Variants in NXPH4 observed in about 807,000 individuals in gnomAD.
The protein encoded by NXPH4 is neurexophilin 4, also known as neurexophilin-4.
Under a neutral mutation model 21.3 loss-of-function variants are expected in NXPH4, and 8 were observed. That is an observed-to-expected ratio of 0.38 (90% CI 0.22 to 0.68). The LOEUF is 0.68. Ranked by LOEUF, NXPH4 falls within the 30% of genes least tolerant of loss-of-function variation. The probability of loss-of-function intolerance (pLI) is 0.53; values close to 1 mark genes in which losing one functional copy is unlikely to be tolerated. For missense variants in NXPH4, 418 were observed against 416.8 expected (o/e 1.00, Z -0.03); for synonymous variants, 219 against 192.6 (o/e 1.14, Z -1.13).
chr12:57,219,250 T>C (rs1269904989), intron 1 of NXPH4, among the ~76,000 whole-genome samples: 2 of 151,976 alleles, frequency 1.3e-5, no homozygotes, highest in Non-Finnish European at 2.9e-5. Flanking sequence ...TCTCCCTTCC[T>C]CCTCACTCCA....
intron 1 of NXPH4, among the ~76,000 whole-genome samples, chr12:57,218,950 GTC>G (rs1268556251): frequency 1.4e-5 from 2 of 147,126 alleles, no homozygotes; most frequent in Non-Finnish European, 3.0e-5. Context: ...GTCTGTATGA[GTC>G]TCTGGGGTTT....
In NXPH4 at chr12:57,225,390, G is replaced by T; in HGVS notation, c.570G>T (p.Gly190=). Residue 190 remains glycine, a synonymous_variant, in exon 2 of 2, where the codon GGG becomes GGT. Coordinates refer to ENST00000349394, the MANE Select transcript of NXPH4 (RefSeq NM_007224.4). ...LALEGVLPGL[G]PPLGMAAAAA... ...TGGAGGGGGTGCTTCCTGGGCTGGG[G>T]CCCCCGCTGGGGATGGCAGCAGCAG... 6.3e-7 allele frequency: 1 copy of T among 1,596,730 alleles called. No homozygotes were observed. Among genetic ancestry groups the T allele is most frequent in the African/African-American group, 1.3e-5 (1 of 74,290 alleles).
In NXPH4 at chr12:57,216,871, CGCA is replaced by C; in HGVS notation, c.-96_-94del. ...CCGCTCCCGCCGCTCCCGCCGCTCC[CGCA>C]GCCGCCCCGCCGCCCGCCCGGAGCC... On this transcript the variant is annotated 5_prime_UTR_variant, in exon 1 of 2. Coordinates refer to ENST00000349394, the MANE Select transcript of NXPH4 (RefSeq NM_007224.4). This position sits in a 1 kb window ranked among gnomAD's most constrained non-coding sequence, Gnocchi z 5.3. 1 of 692,710 alleles carries C rather than the reference CGCA, an allele frequency of 1.4e-6. No homozygotes were observed. Among genetic ancestry groups the C allele is most frequent in the Non-Finnish European group, 1.8e-6 (1 of 560,414 alleles). The allele number at this position is 692,710 out of a possible 1,614,324, so 42.9% of individuals were successfully genotyped here.
In NXPH4 at chr12:57,225,464, C is replaced by G; in HGVS notation, c.644C>G (p.Pro215Arg). ...GGSLGGALAGPLGGALGVPGA... is the reference protein window; with the variant it reads ...GGSLGGALAGRLGGALGVPGA... ...TCCCTCGGGGGCGCACTGGCGGGGC[C>G]GCTTGGGGGCGCGTTGGGAGTGCCT... Residue 215 changes from proline to arginine, a missense_variant, in exon 2 of 2, where the codon CCG becomes CGG. By Grantham distance (103) the Pro-to-Arg change is moderately radical. Transcript: ENST00000349394. 1.3e-6 allele frequency: 2 copies of G among 1,598,132 alleles called. No homozygotes were observed. Among genetic ancestry groups the G allele is most frequent in the Non-Finnish European group, 1.7e-6 (2 of 1,174,054 alleles).
Position 57,225,097 on chromosome 12 carries a change from A to C in NXPH4, c.277A>C (p.Arg93=). ...GGCGTTGCCCGCGCAGCGCACCAAG[A>C]GGAAGCCGTCCATCAAGGCGGCGCG... ...AGALPAQRTK[R]KPSIKAARAK... Residue 93 remains arginine (R), a synonymous_variant, in exon 2 of 2, where the codon AGG becomes CGG. Coordinates refer to ENST00000349394, the MANE Select transcript of NXPH4 (RefSeq NM_007224.4). 1 of 1,496,762 alleles carries C rather than the reference A, an allele frequency of 6.7e-7. No individual in the cohort carries two copies. The highest frequency in any genetic ancestry group is 8.9e-7 in the Non-Finnish European group (1 of 1,119,712). 92.7% of individuals were successfully genotyped at this position (1,496,762 alleles called of 1,614,324 possible). A position where few individuals can be genotyped will look rare whatever the true frequency, so the allele number is the denominator to read the frequency against.
chr12:57,225,168 T>A lies in NXPH4; in HGVS notation c.348T>A (p.His116Gln). Residue 116 changes from histidine to glutamine, a missense_variant, in exon 2 of 2, where the codon CAT becomes CAA. Physicochemically the swap from His to Gln is conservative, Grantham distance 24. Coordinates refer to ENST00000349394, the MANE Select transcript of NXPH4 (RefSeq NM_007224.4). ...GGGGGGACTTCTACTTTCGGGTGCA[T>A]ACCCTCAAGTTTTCGCTGCTGGTGA... ...FGWGDFYFRV[H>Q]TLKFSLLVTG... The A allele has an allele frequency of 6.3e-7, 1 of 1,588,144 alleles. No homozygotes were observed. Among genetic ancestry groups the A allele is most frequent in the Non-Finnish European group, 8.6e-7 (1 of 1,167,116 alleles).
At chr12:57,222,639 C>T (rs557524690) in intron 1 of NXPH4, among the ~76,000 whole-genome samples, 1 of 152,180 alleles carries the variant, frequency 6.6e-6, no homozygotes, top group East Asian at 1.9e-4. Flanking sequence ...CCAATGCCCT[C>T]TCTCAGATTC....
chr12:57,221,633 C>G (rs2037093200), intron 1 of NXPH4: 1 of 286,412 alleles, frequency 3.5e-6, no homozygotes, highest in Admixed American at 4.2e-5. Flanking sequence ...TGCTGAACCC[C>G]CCAGCTGCCG....
Position 57,225,792 on chromosome 12 carries a change from T to A in NXPH4, c.*45T>A, listed in dbSNP as rs755270400. Reference sequence around the variant, plus strand: ...CTGAGCCTCCCGCCAAATCCCAGCCTCACTAGGTGGGACCCCCTTCCCAGT... The same window carrying A: ...CTGAGCCTCCCGCCAAATCCCAGCCACACTAGGTGGGACCCCCTTCCCAGT... On this transcript the variant is annotated 3_prime_UTR_variant, in exon 2 of 2. Transcript: ENST00000349394. 3.2e-6 allele frequency: 5 copies of A among 1,575,454 alleles called. No homozygotes were observed. The highest frequency in any genetic ancestry group is 4.3e-6 in the Non-Finnish European group (5 of 1,157,626).
chr12:57,216,888 C>G lies in NXPH4; in HGVS notation c.-82C>G. The G allele has an allele frequency of 1.0e-6, 1 of 975,078 alleles. No individual in the cohort carries two copies. The highest frequency in any genetic ancestry group is 1.3e-6 in the Non-Finnish European group (1 of 774,122). 60.4% of individuals were successfully genotyped at this position (975,078 alleles called of 1,614,324 possible). The stretch of plus-strand genomic sequence containing the variant: ...GCCGCTCCCGCAGCCGCCCCGCCGC[C>G]CGCCCGGAGCCCCGCGTCCCTAGGC... On this transcript the variant is annotated 5_prime_UTR_variant, in exon 1 of 2. Coordinates refer to ENST00000349394, the MANE Select transcript of NXPH4 (RefSeq NM_007224.4). The surrounding 1 kb of genome is among the most constrained non-coding windows in gnomAD (Gnocchi z 5.3).
intron 1 of NXPH4, among the ~76,000 whole-genome samples, chr12:57,220,956 C>T (rs2037085575): frequency 6.6e-6 from 1 of 151,998 alleles, no homozygotes; most frequent in Admixed American, 6.6e-5. Flanking sequence ...ATGCTGCTTC[C>T]TGGACTGTTC....
intron 1 of NXPH4, among the ~76,000 whole-genome samples, chr12:57,218,789 G>A (rs2037062913): frequency 6.6e-6 from 1 of 152,236 alleles, no homozygotes; most frequent in Non-Finnish European, 1.5e-5. Flanking sequence ...CTGCGGGTGT[G>A]TGAATATGTA....
chr12:57,221,694 C>G (rs1474341381), intron 1 of NXPH4: 2 of 271,070 alleles, frequency 7.4e-6, no homozygotes, highest in South Asian at 7.2e-5. Flanking sequence ...CTCTCCCCTC[C>G]GCAAATGTCA....
intron 1 of NXPH4, among the ~76,000 whole-genome samples, chr12:57,217,812 G>A (rs1342496139): frequency 1.3e-5 from 2 of 152,270 alleles, no homozygotes; most frequent in Non-Finnish European, 2.9e-5. Context: ...GTGCTCATAT[G>A]TGCTGGGTGG....
intron 1 of NXPH4, among the ~76,000 whole-genome samples, chr12:57,223,960 A>T (rs930892525): frequency 5.9e-5 from 9 of 152,306 alleles, no homozygotes; most frequent in Admixed American, 2.6e-4. Flanking sequence ...ACCAGAGTGG[A>T]GCACTGGCGA....
intron 1 of NXPH4, among the ~76,000 whole-genome samples, chr12:57,224,598 T>G (rs1799527231): frequency 6.6e-6 from 1 of 152,162 alleles, no homozygotes; most frequent in Admixed American, 6.5e-5. Context: ...TGGCTTTGGG[T>G]TTTTGGCCCT....
At chr12:57,222,900 G>A (rs146223437) in intron 1 of NXPH4, among the ~76,000 whole-genome samples, 185 of 152,298 alleles carry the variant, frequency 1.2e-3, no homozygotes, top group African/African-American at 4.4e-3. Flanking sequence ...TTAATAACCC[G>A]GGATCGCAGC....
chr12:57,220,733 C>T (rs1167867357), intron 1 of NXPH4, among the ~76,000 whole-genome samples: 4 of 151,860 alleles, frequency 2.6e-5, no homozygotes, highest in Admixed American at 2.0e-4. Context: ...TGTCCTCAGC[C>T]CCTGTCTCTG....
chr12:57,226,335 C>G lies in NXPH4; in HGVS notation c.*588C>G. 4.4e-6 allele frequency: 1 copy of G among 226,868 alleles called. No homozygotes were observed. The highest frequency in any genetic ancestry group is 1.8e-4 in the South Asian group (1 of 5,580). The allele number at this position is 226,868 out of a possible 1,614,324, so 14.1% of individuals were successfully genotyped here. A position where few individuals can be genotyped will look rare whatever the true frequency, so the allele number is the denominator to read the frequency against. ...CCGGCCCCTGCCCCTGCCCGCCCCC[C>G]TCCAGTCCAGGCAGTCGAGCTCCAC... On this transcript the variant is annotated 3_prime_UTR_variant, in exon 2 of 2. Transcript: ENST00000349394.
Sources: gnomAD v4.1 joint callset for allele counts (sites outside exome capture counted in the v4.1 genomes callset) on GRCh38, gnomAD v4.1.1 for gene constraint, Gnocchi (gnomAD v3.1) non-coding constraint, MANE v1.5 for transcripts, NCBI Gene and HGNC (gene_info 2026-07-23, HGNC 2026-07-21) for gene names.